Variants in PKD1L3 observed in about 807,000 individuals in gnomAD.
PKD1L3 encodes polycystin-1-like protein 3.
Under a neutral mutation model 184.1 loss-of-function variants are expected in PKD1L3, and 239 were observed. The observed-to-expected ratio is 1.30, with a 90% CI of 1.17 to 1.45. PKD1L3 has a LOEUF of 1.45. Among genes scored for constraint, PKD1L3 ranks in the 40% most tolerant of loss-of-function variants. The pLI, the probability that PKD1L3 is intolerant of heterozygous loss-of-function variation, is 0.00. For missense variants in PKD1L3, 2,660 were observed against 2,067.2 expected, an observed-to-expected ratio of 1.29 and a Z score of -5.56; for synonymous variants, 996 against 778.8, an observed-to-expected ratio of 1.28 and a Z score of -4.64.
chr16:71,964,495 C>T (rs1241005695), intron 15 of PKD1L3, among the ~76,000 whole-genome samples: 5 of 151,402 alleles, frequency 3.3e-5, no homozygotes, highest in South Asian at 4.2e-4. Flanking sequence ...GGAGCCACCA[C>T]GCCCGGCTAG....
At chr16:71,979,311 G>A (rs1033863779) in intron 9 of PKD1L3, among the ~76,000 whole-genome samples, 8 of 152,058 alleles carry the variant, frequency 5.3e-5, no homozygotes, top group Admixed American at 3.3e-4. Flanking sequence ...AGGCATGGTG[G>A]CCCATGCCTG....
rs1382072028 is a variant in PKD1L3, at chr16:71,999,899, G to C, written c.80C>G (p.Ala27Gly). Residue 27 changes from alanine to glycine, a missense_variant, in exon 1 of 30, where the codon GCA becomes GGA. Physicochemically the swap from Ala to Gly is moderately conservative, Grantham distance 60. Transcript: ENST00000620267. ...GTAACAATTATTTTGCCCATGTGGT[G>C]CTGGGCTGTTTAGCTCACTTCCTAG... ...IILGSELNSP[A>G]PHGQNNCYQL... The C allele has an allele frequency of 6.4e-7, 1 of 1,551,680 alleles. No individual in the cohort carries two copies. Among genetic ancestry groups the C allele is most frequent in the South Asian group, 1.2e-5 (1 of 84,046 alleles).
chr16:71,932,723 C>T (rs1204849861), intron 28 of PKD1L3, among the ~76,000 whole-genome samples: 3 of 146,444 alleles, frequency 2.0e-5, no homozygotes, highest in Non-Finnish European at 4.6e-5. Context: ...AAAAGTGATC[C>T]GCTGGCTTCG....
intron 2 of PKD1L3, among the ~76,000 whole-genome samples, chr16:71,993,961 G>C (rs554031817): frequency 1.3e-5 from 2 of 152,144 alleles, no homozygotes; most frequent in Non-Finnish European, 2.9e-5. Context: ...GTAGAAACGA[G>C]GTTTCACCAT....
intron 2 of PKD1L3, among the ~76,000 whole-genome samples, chr16:71,997,932 C>A (rs1597385138): frequency 6.6e-6 from 1 of 152,210 alleles, no homozygotes; most frequent in East Asian, 1.9e-4. Flanking sequence ...TCTCCTCCTT[C>A]TCTTTCCCAT....
chr16:71,973,477 C>T lies in PKD1L3; in HGVS notation c.1800G>A (p.Gln600=). ...TTATATAGTAGGTGCCAATCCCGTGCTGCAGATGCTCTGGATTCAGCACCC... is the reference window on the plus strand; with the variant it reads ...TTATATAGTAGGTGCCAATCCCGTGTTGCAGATGCTCTGGATTCAGCACCC... The part of the protein sequence containing the change: ...YTWVLNPEHL[Q]HGIGTYYITA... Residue 600 remains glutamine, a synonymous_variant, in exon 12 of 30, where the codon CAG becomes CAA. Coordinates refer to ENST00000620267, the MANE Select transcript of PKD1L3 (RefSeq NM_181536.2). 6.4e-7 allele frequency: 1 copy of T among 1,551,882 alleles called. No homozygotes were observed. The highest frequency in any genetic ancestry group is 1.2e-5 in the South Asian group (1 of 84,064).
In PKD1L3 at chr16:71,942,585, C is replaced by T. The variant is rs1161524871; in HGVS notation, c.4299G>A (p.Glu1433=). The T allele has an allele frequency of 3.2e-6, 5 of 1,551,552 alleles. No homozygotes were observed. The highest frequency in any genetic ancestry group is 4.4e-6 in the Non-Finnish European group (5 of 1,146,958). The part of the protein sequence containing the change: ...ELHERLTSKN[E]NGFSYIMRGA... ...CTCTCATGATGTAACTGAATCCATT[C>T]TCATTCTTGCTTGTCAGCCTTTCGT... The change falls in exon 24 of 30, where the codon GAG becomes GAA. Residue 1433 remains glutamate, a synonymous_variant. Coordinates refer to ENST00000620267, the MANE Select transcript of PKD1L3 (RefSeq NM_181536.2).
rs2038412415 is a variant in PKD1L3, at chr16:71,942,921, C to T, written c.3963G>A (p.Gln1321=). 3 of 1,551,428 alleles carry T rather than the reference C, an allele frequency of 1.9e-6. No individual in the cohort carries two copies. Among genetic ancestry groups the T allele is most frequent in the Non-Finnish European group, 2.6e-6 (3 of 1,146,908 alleles). Residue 1321 remains glutamine (Q), a synonymous_variant, in exon 24 of 30, where the codon CAG becomes CAA. Coordinates refer to ENST00000620267, the MANE Select transcript of PKD1L3 (RefSeq NM_181536.2). ...CCTGAAGAAGTTTGATTTCCGAGAA[C>T]TGGTGCGAAAATGTCTTCCAGATAG... ...HQAIWKTFSH[Q]FSEIKLLQDF...
chr16:71,986,775 C>T (rs771429563), intron 4 of PKD1L3, among the ~76,000 whole-genome samples: 7 of 152,214 alleles, frequency 4.6e-5, no homozygotes, highest in South Asian at 2.1e-4. Flanking sequence ...CAAGTTCCTG[C>T]GCTTGTCGAG....
chr16:71,989,853 T>C (rs1306805815), intron 4 of PKD1L3, among the ~76,000 whole-genome samples: 4 of 152,112 alleles, frequency 2.6e-5, no homozygotes, highest in Admixed American at 1.3e-4. Context: ...GGCAGGTGAA[T>C]TGCTTGAGGT....
At chr16:71,970,134 A>G (rs773218478) in intron 12 of PKD1L3, 29 bp from the exon 13 acceptor site, 87 of 1,512,278 alleles carry the variant, frequency 5.8e-5, no homozygotes, top group Non-Finnish European at 7.5e-5. Flanking sequence ...CGTTGATTCT[A>G]GTCAGACAGA....
intron 16 of PKD1L3, among the ~76,000 whole-genome samples, chr16:71,960,367 C>T (rs2039230519): frequency 6.6e-6 from 1 of 151,946 alleles, no homozygotes; most frequent in Admixed American, 6.6e-5. Context: ...TTTTAAACAT[C>T]CAGTTATATG....
intron 28 of PKD1L3, 131 bp from the exon 29 acceptor site, chr16:71,930,314 A>T (rs929054149): frequency 1.5e-5 from 13 of 887,542 alleles, no homozygotes; most frequent in Non-Finnish European, 2.1e-5. Context: ...GGAGAGAGTC[A>T]AAAGATAATA....
Position 71,952,962 on chromosome 16 carries a change from G to A in PKD1L3, c.2941C>T (p.Pro981Ser), listed in dbSNP as rs1460228744. ...IEPQETLPLF[P>S]PIQASCLSDA... ...GAGAGGCAGGAGGCCTGGATGGGAGGAAAGAGGGGCAGAGTCTCCTGTGGC... is the reference window on the plus strand; with the variant it reads ...GAGAGGCAGGAGGCCTGGATGGGAGAAAAGAGGGGCAGAGTCTCCTGTGGC... The change falls in exon 18 of 30, where the codon CCT becomes TCT. Residue 981 changes from proline (P) to serine (S), a missense_variant. By Grantham distance (74) the Pro-to-Ser change is moderately conservative. Transcript: ENST00000620267. 15 of 1,550,470 alleles carry A rather than the reference G, an allele frequency of 9.7e-6. No homozygotes were observed. Among genetic ancestry groups the A allele is most frequent in the Admixed American group, 2.0e-5 (1 of 50,784 alleles).
chr16:71,995,774 G>A (rs1254423429), intron 2 of PKD1L3, among the ~76,000 whole-genome samples: 1 of 152,146 alleles, frequency 6.6e-6, no homozygotes, highest in African/African-American at 2.4e-5. Flanking sequence ...TGGGTCAAGG[G>A]TAGATGTATA....
intron 28 of PKD1L3, chr16:71,930,399 C>T (rs75182609): frequency 0.13 from 47,973 of 381,576 alleles, 3,562 homozygotes; most frequent in Non-Finnish European, 0.15. Context: ...ATTGTGACTG[C>T]AGGGCTTTCA....
rs200570114 is a variant in PKD1L3, at chr16:71,961,041, GGTTT to G, written c.2612+2160_2612+2163del. ...CACACAATTTAAAACATATATTTTT[GGTTT>G]GTTTTTTAGAGACAGGATCTCATTT... On this transcript the variant is annotated intron_variant, in intron 16 of 29. Transcript: ENST00000620267. Among the ~76,000 whole-genome samples, 1,124 of 152,106 alleles carry G rather than the reference GGTTT, an allele frequency of 7.4e-3. 14 individuals carry two copies. The highest frequency in any genetic ancestry group is 0.025 in the African/African-American group (1,043 of 41,492).
At position 71,951,457 on chromosome 16, in the gene PKD1L3, G is replaced by C. The variant is rs2038830664; in HGVS notation, c.3190+107C>G. 12 of 1,150,510 alleles carry C rather than the reference G, an allele frequency of 1.0e-5. No individual in the cohort carries two copies. In the South Asian group the frequency reaches 2.0e-4, roughly 19 times the overall value. The allele number at this position is 1,150,510 out of a possible 1,614,324, so 71.3% of individuals were successfully genotyped here. ...AAGCTTAAGGAAATTAAAACAACCA[G>C]AAGGTTGTATCAGGCCTGTCGGTTA... On this transcript the variant is annotated intron_variant, in intron 19 of 29. Transcript: ENST00000620267.
chr16:71,970,801 C>G (rs2039682039), intron 12 of PKD1L3, among the ~76,000 whole-genome samples: 1 of 152,002 alleles, frequency 6.6e-6, no homozygotes, highest in Non-Finnish European at 1.5e-5. Context: ...GAGCAAGACT[C>G]TGTCTCCAAA....
Sources: allele counts gnomAD v4.1 joint callset (sites outside exome capture counted in the v4.1 genomes callset), GRCh38; gene constraint gnomAD v4.1.1; transcripts MANE v1.5; gene names NCBI Gene and HGNC (gene_info 2026-07-23, HGNC 2026-07-21).